The following PLCB4 variants were observed in gnomAD, a reference collection of about 807,000 sequenced individuals.
PLCB4 encodes 1-phosphatidylinositol 4,5-bisphosphate phosphodiesterase beta-4.
In PLCB4, 77 loss-of-function variants were observed where a neutral mutation model predicts 178.8. The observed-to-expected ratio is 0.43, with a 90% CI of 0.36 to 0.52. The LOEUF (loss-of-function observed/expected upper bound fraction) is 0.52. Among genes scored for constraint, PLCB4 ranks in the 20% least tolerant of loss-of-function variants. PLCB4 has a pLI of 0.00. For missense variants in PLCB4, 1,024 were observed against 1,453.4 expected, an observed-to-expected ratio of 0.70 and a Z score of 4.80; for synonymous variants, 496 against 490.8, an observed-to-expected ratio of 1.01 and a Z score of -0.14.
intron 36 of PLCB4, among the ~76,000 whole-genome samples, chr20:9,470,844 A>G (rs2044143696): frequency 1.3e-5 from 2 of 152,178 alleles, no homozygotes; most frequent in Admixed American, 1.3e-4. Context: ...GCTATCTCTT[A>G]TAAGTTTGTA....
chr20:9,325,135 G>T (rs1454538357), intron 4 of PLCB4, among the ~76,000 whole-genome samples: 6 of 152,202 alleles, frequency 3.9e-5, no homozygotes, highest in African/African-American at 1.4e-4. Flanking sequence ...CTAAAGAGAA[G>T]AACTTATCAG....
chr20:9,464,510 TC>T (rs1226731614), intron 35 of PLCB4, among the ~76,000 whole-genome samples: 37 of 151,166 alleles, frequency 2.4e-4, no homozygotes, highest in Admixed American at 2.0e-3. Context: ...TTTGAAAAGA[TC>T]AACAAAATTG....
intron 3 of PLCB4, among the ~76,000 whole-genome samples, chr20:9,238,546 A>C (rs1294793769): frequency 6.6e-6 from 1 of 152,204 alleles, no homozygotes; most frequent in Non-Finnish European, 1.5e-5. Flanking sequence ...GTCACCAGGC[A>C]AGGCCACCTT....
intron 1 of PLCB4, among the ~76,000 whole-genome samples, chr20:9,078,004 C>T (rs1035811094): frequency 6.6e-6 from 1 of 152,012 alleles, no homozygotes. Context: ...ATTTTTGAGA[C>T]AGGGTCTTGC....
chr20:9,419,019 C>T (rs1042621500), intron 25 of PLCB4, among the ~76,000 whole-genome samples: 3 of 151,814 alleles, frequency 2.0e-5, no homozygotes, highest in African/African-American at 4.8e-5. Context: ...TGGTATCCTG[C>T]AATAGTGGTG....
chr20:9,421,690 C>T (rs1422583621), intron 27 of PLCB4, among the ~76,000 whole-genome samples: 1 of 152,212 alleles, frequency 6.6e-6, no homozygotes, highest in African/African-American at 2.4e-5. Context: ...CACAGCAGTG[C>T]CTCAGCTCTG....
At chr20:9,165,752 T>C (rs550534489) in intron 2 of PLCB4, among the ~76,000 whole-genome samples, 2 of 152,006 alleles carry the variant, frequency 1.3e-5, no homozygotes, top group African/African-American at 4.8e-5. Context: ...AAATTTTTTA[T>C]TGTAACGCTG....
intron 3 of PLCB4, among the ~76,000 whole-genome samples, chr20:9,230,799 G>A (rs2093923651): frequency 6.6e-6 from 1 of 152,048 alleles, no homozygotes; most frequent in Admixed American, 6.6e-5. Context: ...CATGACAGCA[G>A]CAAAGTACCC....
At chr20:9,136,638 G>C (rs983783911) in intron 2 of PLCB4, among the ~76,000 whole-genome samples, 1 of 152,038 alleles carries the variant, frequency 6.6e-6, no homozygotes, top group South Asian at 2.1e-4. Flanking sequence ...CAGATCACTG[G>C]CAACTTCTGT....
Position 9,390,609 on chromosome 20 carries a change from A to C in PLCB4, c.1317A>C (p.Ser439=). Residue 439 remains serine, a synonymous_variant, in exon 17 of 40, where the codon TCA becomes TCC. Transcript: ENST00000378473. ...GDLLLKQALE[S]HPLEPGRALP... ...TCCTGTTGAAACAAGCACTTGAATC[A>C]CATCCAGTATGTATTTTTAACAAAC... 3.4e-6 allele frequency: 5 copies of C among 1,475,524 alleles called. No individual in the cohort carries two copies. Among genetic ancestry groups the C allele is most frequent in the Non-Finnish European group, 2.8e-6 (3 of 1,054,478 alleles). The allele number at this position is 1,475,524 out of a possible 1,614,324, so 91.4% of individuals were successfully genotyped here.
At chr20:9,361,979 A>G (rs560527389) in intron 7 of PLCB4, among the ~76,000 whole-genome samples, 2 of 152,324 alleles carry the variant, frequency 1.3e-5, no homozygotes, top group African/African-American at 2.4e-5. Context: ...TATAGAGTAT[A>G]CGTCTATATT....
intron 2 of PLCB4, among the ~76,000 whole-genome samples, chr20:9,155,418 A>G (rs979907322): frequency 5.8e-4 from 89 of 152,274 alleles, no homozygotes; most frequent in Non-Finnish European, 3.7e-4. Flanking sequence ...TCTTTGTTGA[A>G]AAGAGCTGCA....
At chr20:9,118,228 C>A (rs536653223) in intron 2 of PLCB4, among the ~76,000 whole-genome samples, 1 of 114,362 alleles carries the variant, frequency 8.7e-6, no homozygotes, top group Admixed American at 1.1e-4. Context: ...CCCCTCCCCC[C>A]ACCCCACCAC....
intron 2 of PLCB4, among the ~76,000 whole-genome samples, chr20:9,148,637 A>G (rs1477092019): frequency 6.6e-6 from 1 of 152,134 alleles, no homozygotes; most frequent in Non-Finnish European, 1.5e-5. Context: ...AGAAGATACA[A>G]TTGTGAAGGC....
chr20:9,383,715 G>A (rs2037342834), intron 13 of PLCB4, among the ~76,000 whole-genome samples: 1 of 152,228 alleles, frequency 6.6e-6, no homozygotes, highest in African/African-American at 2.4e-5. Context: ...TTCCAATTCA[G>A]TGAGAACAAT....
chr20:9,366,289 T>C (rs561374440), intron 9 of PLCB4, among the ~76,000 whole-genome samples: 92 of 147,990 alleles, frequency 6.2e-4, no homozygotes, highest in Non-Finnish European at 1.2e-3. Context: ...TCCCAGCTAC[T>C]GGGAGGCTGA....
chr20:9,311,674 G>A (rs150593446), intron 4 of PLCB4, among the ~76,000 whole-genome samples: 5 of 152,244 alleles, frequency 3.3e-5, no homozygotes, highest in African/African-American at 1.2e-4. Context: ...TCATCCTGGA[G>A]CTGTTTGGCT....
At chr20:9,209,613 A>T (rs2093650869) in intron 2 of PLCB4, among the ~76,000 whole-genome samples, 1 of 152,054 alleles carries the variant, frequency 6.6e-6, no homozygotes, top group South Asian at 2.1e-4. Flanking sequence ...TGTGACAAGG[A>T]GTGTTGATGG....
chr20:9,087,846 C>T (rs2090503184), intron 1 of PLCB4, among the ~76,000 whole-genome samples: 1 of 152,214 alleles, frequency 6.6e-6, no homozygotes, highest in African/African-American at 2.4e-5. Flanking sequence ...ATCAGCTCCT[C>T]ATATTCCAGT....
Sources: gnomAD v4.1 joint callset for allele counts (sites outside exome capture counted in the v4.1 genomes callset) on GRCh38, gnomAD v4.1.1 for gene constraint, MANE v1.5 for transcripts, NCBI Gene and HGNC (gene_info 2026-07-23, HGNC 2026-07-21) for gene names.